RAD17: variants seen among roughly 807,000 people sequenced by gnomAD.
The protein encoded by RAD17 is RAD17 checkpoint clamp loader component, also known as cell cycle checkpoint protein RAD17.
A neutral mutation model predicts 81.5 loss-of-function variants in RAD17; 31 were observed. The observed-to-expected ratio is 0.38, with a 90% CI of 0.29 to 0.51. The LOEUF is 0.51. RAD17 is among the 20% of genes least tolerant of loss of function. The pLI, the probability that RAD17 is intolerant of heterozygous loss-of-function variation, is 0.88. For synonymous variants in RAD17, 261 were observed against 266.2 expected (o/e 0.98, Z 0.19); for missense variants, 681 against 781.2 (o/e 0.87, Z 1.53).
At position 69,400,292 on chromosome 5, in the gene RAD17, A is replaced by G. The variant is rs1159104752; in HGVS notation, c.1693+123A>G. Reference sequence around the variant, plus strand: ...GATTGCGGTGGCACGATCTCGGCTCACTGCAACCTCTGCCTCCTGGGTTCA... The same window carrying G: ...GATTGCGGTGGCACGATCTCGGCTCGCTGCAACCTCTGCCTCCTGGGTTCA... On this transcript the variant is annotated intron_variant, in intron 17 of 18. Transcript: ENST00000354868. The G allele has an allele frequency of 1.8e-5, 11 of 597,114 alleles. No individual in the cohort carries two copies. The African/African-American group carries it at 1.9e-4, about 11-fold the overall frequency. 37.0% of individuals were successfully genotyped at this position (597,114 alleles called of 1,614,324 possible).
rs755672631 is a variant in RAD17, at chr5:69,373,880, C to T, written c.60C>T (p.Gly20=). 1.1e-5 allele frequency: 17 copies of T among 1,608,824 alleles called. No individual in the cohort carries two copies. The African/African-American group carries it at 1.5e-4, about 14-fold the overall frequency. Residue 20 remains glycine, a synonymous_variant, in exon 5 of 19, where the codon GGC becomes GGT. Transcript: ENST00000354868. ...PSFDDFLECS[G]VSTITATSLG... is the part of the protein sequence containing the mutation. ...TTGATGATTTTCTAGAGTGTAGTGG[C>T]GTCTCTACTATTACTGCCACATCAT...
Position 69,393,950 on chromosome 5 carries a change from C to T in RAD17, c.1422+450C>T, listed in dbSNP as rs375003289. ...TTTTTTTGAGAAGAGGCTCTATCTA[C>T]AGCTATGTTACCCAGTCTGGTCTTG... On this transcript the variant is annotated intron_variant, in intron 15 of 18. Coordinates refer to ENST00000354868, the MANE Select transcript of RAD17 (RefSeq NM_133338.3). Among the ~76,000 whole-genome samples, 4 of 124,058 alleles carry T rather than the reference C, an allele frequency of 3.2e-5. No homozygotes were observed. The South Asian group carries it at 8.6e-4, about 27-fold the overall frequency. 81.4% of individuals were successfully genotyped at this position (124,058 alleles called of 152,430 possible).
intron 10 of RAD17, 31 bp from the exon 11 acceptor site, chr5:69,386,365 T>C: frequency 6.3e-7 from 1 of 1,581,584 alleles, no homozygotes; most frequent in Non-Finnish European, 8.6e-7. Context: ...AAATTAATCA[T>C]TTAACTGCTA....
chr5:69,379,647 TAAAA>T (rs996156848), intron 6 of RAD17, among the ~76,000 whole-genome samples: 1 of 151,744 alleles, frequency 6.6e-6, no homozygotes, highest in Non-Finnish European at 1.5e-5. Flanking sequence ...TTTTTGTATT[TAAAA>T]AAAAATTTTT....
rs1764578359 is a variant in RAD17 at position 69,391,920 on chromosome 5, A to G, written c.1096A>G (p.Arg366Gly). Reference protein sequence around the residue: ...SKSKRRKKPDRVFENQEVQAI... With the variant: ...SKSKRRKKPDGVFENQEVQAI... ...ATCAAAACGAAGAAAAAAACCTGAT[A>G]GGGTTTTTGAAAATCAAGAGGTCCA... is the stretch of plus-strand genomic sequence containing the variant. Residue 366 changes from arginine (R) to glycine (G), a missense_variant, in exon 13 of 19, where the codon AGG becomes GGG. Physicochemically the swap from Arg to Gly is moderately radical, Grantham distance 125. Transcript: ENST00000354868. 1.3e-6 allele frequency: 2 copies of G among 1,596,860 alleles called. No homozygotes were observed. Among genetic ancestry groups the G allele is most frequent in the East Asian group, 4.6e-5 (2 of 43,890 alleles).
At chr5:69,371,271 C>A in intron 2 of RAD17, 100 bp downstream of exon 2, 4 of 483,876 alleles carry the variant, frequency 8.3e-6, no homozygotes, top group Admixed American at 3.0e-5. Flanking sequence ...TTATTTGATA[C>A]AGTTATAGTC....
At chr5:69,399,679 G>C (rs1765130647) in intron 16 of RAD17, among the ~76,000 whole-genome samples, 1 of 112,572 alleles carries the variant, frequency 8.9e-6, no homozygotes, top group Non-Finnish European at 1.9e-5. Flanking sequence ...CTCTTGCTCA[G>C]CATAACGTGT....
chr5:69,403,737 C>A lies in RAD17; in HGVS notation c.1693+3568C>A, dbSNP rs143665858. Among the ~76,000 whole-genome samples, 16 of 152,186 alleles carry A rather than the reference C, an allele frequency of 1.1e-4. No homozygotes were observed. In the East Asian group the frequency reaches 2.9e-3, roughly 28 times the overall value. ...GAGTTTGAGACCAGCCTAGGCAACA[C>A]GGTGATACCTTGTCTCTACAAAAAA... On this transcript the variant is annotated intron_variant, in intron 17 of 18. Coordinates refer to ENST00000354868, the MANE Select transcript of RAD17 (RefSeq NM_133338.3).
intron 6 of RAD17, among the ~76,000 whole-genome samples, chr5:69,377,303 T>C (rs1407490636): frequency 1.3e-5 from 2 of 151,102 alleles, no homozygotes; most frequent in Non-Finnish European, 2.9e-5. Flanking sequence ...TTTTTATTTT[T>C]CAGTGTCCAT....
intron 7 of RAD17, 118 bp from the exon 8 acceptor site, chr5:69,384,679 T>A (rs1448948395): frequency 5.4e-6 from 5 of 923,484 alleles, no homozygotes; most frequent in Non-Finnish European, 7.7e-6. Context: ...TTTTCCTAAT[T>A]GGGAAATAGT....
chr5:69,374,962 G>C (rs1198188006), intron 6 of RAD17, among the ~76,000 whole-genome samples: 2 of 152,104 alleles, frequency 1.3e-5, no homozygotes, highest in Non-Finnish European at 2.9e-5. Context: ...TGTCTCTACA[G>C]CTAATTAGCT....
At chr5:69,407,245 C>A (rs896304613) in intron 17 of RAD17, among the ~76,000 whole-genome samples, 1 of 151,802 alleles carries the variant, frequency 6.6e-6, no homozygotes, top group Non-Finnish European at 1.5e-5. Flanking sequence ...TCAGGTGATC[C>A]GCCTGCTTCG....
rs57655302 is a variant in RAD17, at chr5:69,406,041, CAA to C, written c.1694-4437_1694-4436del. On this transcript the variant is annotated intron_variant, in intron 17 of 18. Transcript: ENST00000354868. ...TAGGTGACAGAGCCAGACTCCATCT[CAA>C]AAAAAAAAAAAAAAGAATATGAAGT... 5.1e-3 allele frequency among the ~76,000 whole-genome samples: 647 copies of C among 127,308 alleles called. 2 individuals are homozygous for C. The highest frequency in any genetic ancestry group is 0.012 in the African/African-American group (398 of 34,170). The allele number at this position is 127,308 out of a possible 152,430, so 83.5% of individuals were successfully genotyped here.
chr5:69,414,129 C>A lies in RAD17; in HGVS notation c.1850C>A (p.Ser617Tyr), dbSNP rs200560109. 2.8e-5 allele frequency: 46 copies of A among 1,614,146 alleles called. No homozygotes were observed. Among genetic ancestry groups the A allele is most frequent in the Non-Finnish European group, 3.7e-5 (44 of 1,180,056 alleles). The stretch of plus-strand genomic sequence containing the variant: ...AATGGAGGACATTCTGCAGAGGAAT[C>A]TCTGGGTGAACCCACTCAAGCCACT... ...QLNGGHSAEE[S>Y]LGEPTQATVP... The change falls in exon 19 of 19, where the codon TCT becomes TAT. Residue 617 changes from serine to tyrosine, a missense_variant. Coordinates refer to ENST00000354868, the MANE Select transcript of RAD17 (RefSeq NM_133338.3).
In RAD17 at chr5:69,371,084, A is replaced by C; in HGVS notation, c.-367A>C. 2 of 423,570 alleles carry C rather than the reference A, an allele frequency of 4.7e-6. No individual in the cohort carries two copies. The highest frequency in any genetic ancestry group is 3.6e-5 in the South Asian group (2 of 55,350). The allele number at this position is 423,570 out of a possible 1,614,324, so 26.2% of individuals were successfully genotyped here. Reference sequence around the variant, plus strand: ...TTTTTGGGAAATACTGGAAATGAAGACCTGCAACTGTAATTTGAAATAAGG... The same window carrying C: ...TTTTTGGGAAATACTGGAAATGAAGCCCTGCAACTGTAATTTGAAATAAGG... On this transcript the variant is annotated 5_prime_UTR_variant, in exon 2 of 19. Transcript: ENST00000354868.
intron 7 of RAD17, 91 bp downstream of exon 7, chr5:69,382,148 C>T: frequency 1.4e-6 from 2 of 1,402,744 alleles, no homozygotes; most frequent in Non-Finnish European, 2.0e-6. Flanking sequence ...CATTTTTTCC[C>T]ATACTTCTTG....
Position 69,384,819 on chromosome 5 carries a change from C to T in RAD17, c.531C>T (p.Pro177=). ...FNTESSFHMF[P]YQSQIAVFKE... ...CAGAATCAAGCTTCCATATGTTTCC[C>T]TATCAGTCTCAGATAGCAGTTTTCA... is the stretch of plus-strand genomic sequence containing the variant. Residue 177 remains proline, a synonymous_variant, in exon 8 of 19, where the codon CCC becomes CCT. Coordinates refer to ENST00000354868, the MANE Select transcript of RAD17 (RefSeq NM_133338.3). 6.2e-7 allele frequency: 1 copy of T among 1,606,622 alleles called. No individual in the cohort carries two copies. The highest frequency in any genetic ancestry group is 8.5e-7 in the Non-Finnish European group (1 of 1,177,250).
At chr5:69,398,689 C>A (rs954278637) in intron 16 of RAD17, among the ~76,000 whole-genome samples, 1 of 151,414 alleles carries the variant, frequency 6.6e-6, no homozygotes, top group Non-Finnish European at 1.5e-5. Flanking sequence ...TCCTGTAATC[C>A]CAGCTACTCA....
intron 17 of RAD17, among the ~76,000 whole-genome samples, 196 bp from the exon 18 acceptor site, chr5:69,410,297 C>T (rs1765886306): frequency 6.6e-6 from 1 of 152,146 alleles, no homozygotes; most frequent in Non-Finnish European, 1.5e-5. Context: ...CCAGCTTCTC[C>T]ACATCCTTAC....
Sources: gnomAD v4.1 joint callset for allele counts (sites outside exome capture counted in the v4.1 genomes callset) on GRCh38, gnomAD v4.1.1 for gene constraint, MANE v1.5 for transcripts, NCBI Gene and HGNC (gene_info 2026-07-23, HGNC 2026-07-21) for gene names.